Variants in LRRC25 observed in about 807,000 individuals in gnomAD.
LRRC25 encodes leucine-rich repeat-containing protein 25.
In LRRC25, 5 loss-of-function variants were observed where a neutral mutation model predicts 18.8. The ratio of observed to expected loss-of-function variants is 0.27; its 90% CI spans 0.14 to 0.56. The LOEUF (loss-of-function observed/expected upper bound fraction) is 0.56. LRRC25 is among the 20% of genes least tolerant of loss of function. The pLI, the probability that LRRC25 is intolerant of heterozygous loss-of-function variation, is 0.93. For synonymous variants in LRRC25, 161 were observed against 176.8 expected (o/e 0.91, Z 0.71); for missense variants, 341 against 389.8 (o/e 0.87, Z 1.05).
At chr19:18,395,931 G>A (rs892724171) in intron 1 of LRRC25, among the ~76,000 whole-genome samples, 1 of 152,110 alleles carries the variant, frequency 6.6e-6, no homozygotes, top group Non-Finnish European at 1.5e-5. Context: ...GTGTTGGCCA[G>A]GCTGGTCTCA....
intron 1 of LRRC25, among the ~76,000 whole-genome samples, chr19:18,395,581 C>T (rs1971957887): frequency 6.6e-6 from 1 of 152,136 alleles, no homozygotes; most frequent in Non-Finnish European, 1.5e-5. Flanking sequence ...CAGTTGCCTC[C>T]TGTCTCCCCA....
chr19:18,396,632 T>C lies in LRRC25; in HGVS notation c.332A>G (p.Asp111Gly), dbSNP rs1356608991. 6.2e-7 allele frequency: 1 copy of C among 1,613,904 alleles called. No homozygotes were observed. The highest frequency in any genetic ancestry group is 1.7e-5 in the Admixed American group (1 of 59,990). The change falls in exon 1 of 2, where the codon GAC becomes GGC. Residue 111 changes from aspartate (D) to glycine (G), a missense_variant. Asp to Gly is a moderately conservative substitution (Grantham distance 94). Transcript: ENST00000339007. ...DGALAARCDL[D>G]LQADCNCALE... ...GGCACAGTTGCAGTCGGCCTGCAGG[T>C]CAAGGTCACAGCGGGCGGCCAGCGC...
rs1345108144 is a variant in LRRC25, at chr19:18,396,424, G to C, written c.540C>G (p.Ala180=). 1 of 1,613,496 alleles carries C rather than the reference G, an allele frequency of 6.2e-7. No individual in the cohort carries two copies. The highest frequency in any genetic ancestry group is 8.5e-7 in the Non-Finnish European group (1 of 1,180,022). ...VVSGCLLLGL[A]IAGPVLAWRL... ...TCCAGGCCAGCACAGGGCCAGCGAT[G>C]GCAAGTCCAAGAAGCAGGCACCCGC... The change falls in exon 1 of 2, where the codon GCC becomes GCG. Residue 180 remains alanine (A), a synonymous_variant. Coordinates refer to ENST00000339007, the MANE Select transcript of LRRC25 (RefSeq NM_145256.3).
chr19:18,391,730 T>G lies in LRRC25; in HGVS notation c.*257A>C. ...CACTGCCTGTACATCCACAGGAGGG[T>G]GATGACAGGATTGGCACAGTGACCG... On this transcript the variant is annotated 3_prime_UTR_variant, in exon 2 of 2. Coordinates refer to ENST00000339007, the MANE Select transcript of LRRC25 (RefSeq NM_145256.3). 2.5e-6 allele frequency: 1 copy of G among 403,882 alleles called. No individual in the cohort carries two copies. Among genetic ancestry groups the G allele is most frequent in the Non-Finnish European group, 4.7e-6 (1 of 213,562 alleles). The allele number at this position is 403,882 out of a possible 1,614,324, so 25.0% of individuals were successfully genotyped here.
At chr19:18,394,717 T>C (rs913482583) in intron 1 of LRRC25, among the ~76,000 whole-genome samples, 5 of 152,158 alleles carry the variant, frequency 3.3e-5, no homozygotes, top group African/African-American at 1.2e-4. Flanking sequence ...GTGCTGGGAT[T>C]ATAGGCATGA....
In LRRC25 at chr19:18,397,068, AAGCCGCTT is replaced by A; in HGVS notation, c.-113_-106del. ...TTATTATTATAGCTCAGACCAGCTC[AAGCCGCTT>A]CTGAAATGGTAAAACGCAGCCCCAG... On this transcript the variant is annotated 5_prime_UTR_variant, in exon 1 of 2. Coordinates refer to ENST00000339007, the MANE Select transcript of LRRC25 (RefSeq NM_145256.3). 1 of 1,233,624 alleles carries A rather than the reference AAGCCGCTT, an allele frequency of 8.1e-7. No individual in the cohort carries two copies. The highest frequency in any genetic ancestry group is 1.1e-6 in the Non-Finnish European group (1 of 907,994). The allele number at this position is 1,233,624 out of a possible 1,614,324, so 76.4% of individuals were successfully genotyped here.
At position 18,391,985 on chromosome 19, in the gene LRRC25, G is replaced by A. The variant is rs921998863; in HGVS notation, c.*2C>T. ...CTGGGTGGAGGTTAGGACATCTTAG[G>A]CTCAGTGCCCGGGGATCACGTACTC... On this transcript the variant is annotated 3_prime_UTR_variant, in exon 2 of 2. Coordinates refer to ENST00000339007, the MANE Select transcript of LRRC25 (RefSeq NM_145256.3). The A allele has an allele frequency of 5.0e-6, 8 of 1,613,366 alleles. No individual in the cohort carries two copies. The highest frequency in any genetic ancestry group is 5.1e-6 in the Non-Finnish European group (6 of 1,179,542).
rs775725017 is a variant in LRRC25, at chr19:18,391,336, C to G, written c.*651G>C. 6 of 152,164 alleles carry G rather than the reference C, an allele frequency of 3.9e-5. No individual in the cohort carries two copies. Among genetic ancestry groups the G allele is most frequent in the Admixed American group, 1.3e-4 (2 of 15,254 alleles). The allele number at this position is 152,164 out of a possible 1,614,324, so 9.4% of individuals were successfully genotyped here. A position where few individuals can be genotyped will look rare whatever the true frequency, so the allele number is the denominator to read the frequency against. The stretch of plus-strand genomic sequence containing the variant: ...GGCAGATCGCTTGAGGTCAGGAGTT[C>G]GAGACCAGCCTGGCCAACATGGCGA... On this transcript the variant is annotated 3_prime_UTR_variant, in exon 2 of 2. Transcript: ENST00000339007.
Position 18,396,581 on chromosome 19 carries a change from C to G in LRRC25, c.383G>C (p.Arg128Pro). 6.2e-7 allele frequency: 1 copy of G among 1,613,812 alleles called. No homozygotes were observed. The highest frequency in any genetic ancestry group is 8.5e-7 in the Non-Finnish European group (1 of 1,180,040). The change falls in exon 1 of 2, where the codon CGA becomes CCA. Residue 128 changes from arginine to proline, a missense_variant. By Grantham distance (103) the Arg-to-Pro change is moderately radical. Transcript: ENST00000339007. The part of the protein sequence containing the change: ...CALESWHDIR[R>P]DNCSGQKPLL... ...AGGCTTCTGGCCAGAGCAGTTGTCT[C>G]GGCGGATGTCGTGCCAGGACTCCAG...
rs3848648 is a variant in LRRC25, at chr19:18,391,309, C to T, written c.*678G>A. On this transcript the variant is annotated 3_prime_UTR_variant, in exon 2 of 2. Coordinates refer to ENST00000339007, the MANE Select transcript of LRRC25 (RefSeq NM_145256.3). The stretch of plus-strand genomic sequence containing the variant: ...ATCCCAGCACTTCAGGAGGCCGAGG[C>T]GGGCAGATCGCTTGAGGTCAGGAGT... 0.72 allele frequency: 109,700 copies of T among 152,176 alleles called. 39,976 individuals are homozygous for T. Among genetic ancestry groups the T allele is most frequent in the African/African-American group, 0.82 (34,077 of 41,450 alleles). The allele number at this position is 152,176 out of a possible 1,614,324, so 9.4% of individuals were successfully genotyped here. A position where few individuals can be genotyped will look rare whatever the true frequency, so the allele number is the denominator to read the frequency against.
In LRRC25 at chr19:18,397,121, TG is replaced by T; in HGVS notation, c.-159del. The T allele has an allele frequency of 4.0e-6, 3 of 755,868 alleles. No individual in the cohort carries two copies. The allele number at this position is 755,868 out of a possible 1,614,324, so 46.8% of individuals were successfully genotyped here. A position where few individuals can be genotyped will look rare whatever the true frequency, so the allele number is the denominator to read the frequency against. On this transcript the variant is annotated 5_prime_UTR_variant, in exon 1 of 2. Transcript: ENST00000339007. ...CCCCAGTCTGGTCGCCTCCTTTGGC[TG>T]GTGGGCTGCCTCAGTCTCCCCTTCT...
intron 1 of LRRC25, among the ~76,000 whole-genome samples, chr19:18,394,192 C>A (rs985857813): frequency 6.6e-6 from 1 of 152,138 alleles, no homozygotes; most frequent in African/African-American, 2.4e-5. Flanking sequence ...ACAGCAAATT[C>A]TCTGTTCTTT....
rs1290683912 is a variant in LRRC25, at chr19:18,391,642, C to G, written c.*345G>C. ...ACTTGGTCTTAGAACTCAGAAATCC[C>G]CACCTTGAGGAACCCACGCACCCTG... On this transcript the variant is annotated 3_prime_UTR_variant, in exon 2 of 2. Transcript: ENST00000339007. The G allele has an allele frequency of 5.1e-6, 1 of 194,846 alleles. No individual in the cohort carries two copies. The highest frequency in any genetic ancestry group is 2.3e-5 in the African/African-American group (1 of 43,830). The allele number at this position is 194,846 out of a possible 1,614,324, so 12.1% of individuals were successfully genotyped here.
chr19:18,392,218 T>G, intron 1 of LRRC25, 93 bp from the exon 2 acceptor site: 1 of 1,344,406 alleles, frequency 7.4e-7, no homozygotes, highest in Non-Finnish European at 1.1e-6. Context: ...GTGGGCCAGG[T>G]GCTCTGACTC....
intron 1 of LRRC25, among the ~76,000 whole-genome samples, chr19:18,395,146 C>A (rs1377259365): frequency 1.3e-5 from 2 of 152,092 alleles, no homozygotes; most frequent in Admixed American, 6.6e-5. Context: ...CTGAGGTGGG[C>A]GGATCACGAG....
Position 18,396,580 on chromosome 19 carries a change from T to C in LRRC25, c.384A>G (p.Arg128=). 6.2e-7 allele frequency: 1 copy of C among 1,613,808 alleles called. No individual in the cohort carries two copies. The highest frequency in any genetic ancestry group is 8.5e-7 in the Non-Finnish European group (1 of 1,180,036). Residue 128 remains arginine (R), a synonymous_variant, in exon 1 of 2, where the codon CGA becomes CGG. Coordinates refer to ENST00000339007, the MANE Select transcript of LRRC25 (RefSeq NM_145256.3). ...GAGGCTTCTGGCCAGAGCAGTTGTC[T>C]CGGCGGATGTCGTGCCAGGACTCCA... ...CALESWHDIR[R]DNCSGQKPLL... is the part of the protein sequence containing the mutation.
chr19:18,396,156 T>C, intron 1 of LRRC25, 29 bp downstream of exon 1: 1 of 1,561,498 alleles, frequency 6.4e-7, no homozygotes, highest in Non-Finnish European at 8.7e-7. Context: ...TATTCACCAC[T>C]TTGGCAGGTG....
chr19:18,392,152 A>T (rs750964334), intron 1 of LRRC25, 27 bp from the exon 2 acceptor site: 2 of 1,608,668 alleles, frequency 1.2e-6, no homozygotes, highest in East Asian at 4.5e-5. Context: ...ACCAGGGGTA[A>T]GTGTGGGAGG....
chr19:18,396,435 G>A lies in LRRC25; in HGVS notation c.529C>T (p.Leu177Phe). 1 of 1,613,482 alleles carries A rather than the reference G, an allele frequency of 6.2e-7. No individual in the cohort carries two copies. The highest frequency in any genetic ancestry group is 8.5e-7 in the Non-Finnish European group (1 of 1,180,034). The change falls in exon 1 of 2, where the codon CTT becomes TTT. Residue 177 changes from leucine to phenylalanine, a missense_variant. Leu to Phe is a conservative substitution (Grantham distance 22). Coordinates refer to ENST00000339007, the MANE Select transcript of LRRC25 (RefSeq NM_145256.3). ...GAVVVSGCLL[L>F]GLAIAGPVLA... ...ACAGGGCCAGCGATGGCAAGTCCAAGAAGCAGGCACCCGCTGACCACCACT... is the reference window on the plus strand; with the variant it reads ...ACAGGGCCAGCGATGGCAAGTCCAAAAAGCAGGCACCCGCTGACCACCACT...
Sources: gnomAD v4.1 joint callset for allele counts (sites outside exome capture counted in the v4.1 genomes callset) on GRCh38, gnomAD v4.1.1 for gene constraint, MANE v1.5 for transcripts, NCBI Gene and HGNC (gene_info 2026-07-23, HGNC 2026-07-21) for gene names.